Variants in FHIP1A observed in about 807,000 individuals in gnomAD.
The protein encoded by FHIP1A is FHF complex subunit HOOK interacting protein 1A, also known as FHF complex subunit HOOK-interacting protein 1A.
A neutral mutation model predicts 88.6 loss-of-function variants in FHIP1A; 61 were observed. The observed-to-expected ratio is 0.69, with a 90% CI of 0.56 to 0.85. FHIP1A has a LOEUF of 0.85. Ranked by LOEUF, FHIP1A falls within the 40% of genes least tolerant of loss-of-function variation. The pLI is 0.00. For missense variants in FHIP1A, 1,154 were observed against 1,273.5 expected (o/e 0.91, Z 1.43); for synonymous variants, 478 against 496.0 (o/e 0.96, Z 0.48).
chr4:151,538,309 G>A (rs769036351), intron 3 of FHIP1A, among the ~76,000 whole-genome samples: 4 of 152,154 alleles, frequency 2.6e-5, no homozygotes, highest in Non-Finnish European at 4.4e-5. Flanking sequence ...TTATAGCGTT[G>A]TTCCAGGATT....
At chr4:151,559,747 G>A (rs1042025974) in intron 3 of FHIP1A, among the ~76,000 whole-genome samples, 9 of 152,110 alleles carry the variant, frequency 5.9e-5, no homozygotes, top group African/African-American at 2.2e-4. Context: ...GTAATTAGTA[G>A]CTATAGATAG....
At position 151,670,072 on chromosome 4, in the gene FHIP1A, A is replaced by G. The variant is rs944263670; in HGVS notation, c.*7318A>G. On this transcript the variant is annotated 3_prime_UTR_variant, in exon 14 of 14. Coordinates refer to ENST00000435205, the MANE Select transcript of FHIP1A (RefSeq NM_001109977.3). ...TCAAATCAAGGCCTCCAAGGATTTT[A>G]TTCTCTTACATCACAGTTTTGACAA... The G allele has an allele frequency of 3.9e-5, 6 of 152,202 alleles. No individual in the cohort carries two copies. Among genetic ancestry groups the G allele is most frequent in the African/African-American group, 1.4e-4 (6 of 41,440 alleles). 9.4% of individuals were successfully genotyped at this position (152,202 alleles called of 1,614,324 possible). A position where few individuals can be genotyped will look rare whatever the true frequency, so the allele number is the denominator to read the frequency against.
At chr4:151,598,508 A>C (rs552600732) in intron 7 of FHIP1A, among the ~76,000 whole-genome samples, 12 of 152,216 alleles carry the variant, frequency 7.9e-5, no homozygotes, top group African/African-American at 2.6e-4. Flanking sequence ...TAGTTATTCT[A>C]TGAGGCTTAT....
chr4:151,503,630 C>A (rs1164210030), intron 3 of FHIP1A, among the ~76,000 whole-genome samples: 1 of 152,034 alleles, frequency 6.6e-6, no homozygotes, highest in Admixed American at 6.6e-5. Flanking sequence ...TTAAAAAAAA[C>A]CCAACTCATT....
At chr4:151,614,159 T>A (rs111718666) in intron 7 of FHIP1A, among the ~76,000 whole-genome samples, 38,862 of 142,698 alleles carry the variant, frequency 0.27, 5,712 homozygotes, top group Middle Eastern at 0.34. Flanking sequence ...CAAGACTCCA[T>A]CTCAAAAAAA....
intron 9 of FHIP1A, among the ~76,000 whole-genome samples, chr4:151,645,246 A>G (rs1401999435): frequency 6.6e-6 from 1 of 152,078 alleles, no homozygotes; most frequent in Admixed American, 6.6e-5. Context: ...GGACCGCCTT[A>G]CCTAGATGGT....
intron 3 of FHIP1A, among the ~76,000 whole-genome samples, chr4:151,505,318 A>G (rs923141463): frequency 1.3e-5 from 2 of 152,208 alleles, no homozygotes; most frequent in Admixed American, 6.5e-5. Context: ...TGGGGAGGCT[A>G]TAGACAAACA....
intron 3 of FHIP1A, among the ~76,000 whole-genome samples, chr4:151,510,744 A>C (rs1480091372): frequency 6.6e-6 from 1 of 152,242 alleles, no homozygotes; most frequent in Non-Finnish European, 1.5e-5. Context: ...TGGTAACAGC[A>C]GTAAGGAATC....
At position 151,469,842 on chromosome 4, in the gene FHIP1A, G is replaced by A. The variant is rs115076471; in HGVS notation, c.-247-12682G>A. Among the ~76,000 whole-genome samples, 885 of 152,166 alleles carry A rather than the reference G, an allele frequency of 5.8e-3. 10 individuals are homozygous for A. The highest frequency in any genetic ancestry group is 0.01 in the Middle Eastern group (3 of 294). ...GTTCAATCATATATTTTAGGATGTC[G>A]GGTCAGGAGACGGCAAATCATTGCC... On this transcript the variant is annotated intron_variant, in intron 2 of 13. Transcript: ENST00000435205.
rs1323539376 is a variant in FHIP1A, at chr4:151,662,550, TG to T, written c.2921del (p.Gly974AspfsTer10). The T allele has an allele frequency of 6.5e-7, 1 of 1,550,058 alleles. No individual in the cohort carries two copies. The highest frequency in any genetic ancestry group is 2.4e-5 in the East Asian group (1 of 40,840). ...CAGGAAGTGGCAAGAACCTTTTGGA[TG>T]GACCTCCAAGAGTGCTTCAGCCCTT... ...RTGSGKNLLD[G>X]PPRVLQPFLT... On this transcript the variant is annotated frameshift_variant, in exon 14 of 14. Coordinates refer to ENST00000435205, the MANE Select transcript of FHIP1A (RefSeq NM_001109977.3). LOFTEE classifies it high-confidence loss of function.
Position 151,410,536 on chromosome 4 carries a change from C to G in FHIP1A, c.-356+1071C>G, listed in dbSNP as rs892714147. Among the ~76,000 whole-genome samples the G allele has an allele frequency of 2.6e-5, 4 of 152,128 alleles. No homozygotes were observed. In the East Asian group the frequency reaches 7.7e-4, roughly 29 times the overall value. On this transcript the variant is annotated intron_variant, in intron 1 of 13. Coordinates refer to ENST00000435205, the MANE Select transcript of FHIP1A (RefSeq NM_001109977.3). ...ATAATTCCTGCTTAATTACCTTTAT[C>G]CTGTTGATTAATGAGAGGGAAGATT...
intron 1 of FHIP1A, among the ~76,000 whole-genome samples, chr4:151,435,455 C>G (rs1183963185): frequency 6.6e-6 from 1 of 152,040 alleles, no homozygotes; most frequent in Non-Finnish European, 1.5e-5. Flanking sequence ...CCTATTTAAC[C>G]TCCAGTAAAA....
intron 4 of FHIP1A, among the ~76,000 whole-genome samples, chr4:151,568,886 A>C (rs373732304): frequency 6.6e-6 from 1 of 152,186 alleles, no homozygotes; most frequent in Admixed American, 6.6e-5. Context: ...GATGGTACAT[A>C]TAAAAGAGGG....
intron 7 of FHIP1A, among the ~76,000 whole-genome samples, chr4:151,611,418 G>T (rs1435017692): frequency 6.6e-6 from 1 of 152,174 alleles, no homozygotes; most frequent in Non-Finnish European, 1.5e-5. Context: ...AAGAATGAAT[G>T]ATGGCTCCAA....
chr4:151,598,458 A>G (rs1734736727), intron 7 of FHIP1A, among the ~76,000 whole-genome samples: 1 of 152,160 alleles, frequency 6.6e-6, no homozygotes, highest in Admixed American at 6.5e-5. Flanking sequence ...GGTGCTGCAG[A>G]CTGGAGTAGT....
chr4:151,601,690 G>A (rs558122630), intron 7 of FHIP1A, among the ~76,000 whole-genome samples: 1 of 151,220 alleles, frequency 6.6e-6, no homozygotes, highest in Admixed American at 6.6e-5. Context: ...GAGTCAGGGT[G>A]TGCAGTGGAA....
intron 3 of FHIP1A, among the ~76,000 whole-genome samples, chr4:151,530,910 T>TATA (rs920840746): frequency 6.7e-6 from 1 of 149,320 alleles, no homozygotes; most frequent in Non-Finnish European, 1.5e-5. Flanking sequence ...CTAATATTAT[T>TATA]ATAATAATAA....
At chr4:151,507,123 GC>G (rs920282454) in intron 3 of FHIP1A, among the ~76,000 whole-genome samples, 17 of 151,600 alleles carry the variant, frequency 1.1e-4, no homozygotes, top group Non-Finnish European at 2.2e-4. Flanking sequence ...CCTTTCCCCT[GC>G]CCCCCCACTT....
chr4:151,643,364 C>T (rs901179558), intron 9 of FHIP1A, among the ~76,000 whole-genome samples: 3 of 152,046 alleles, frequency 2.0e-5, no homozygotes, highest in Non-Finnish European at 2.9e-5. Context: ...TTGGGGTACA[C>T]ATGATATTTT....
Sources: allele counts gnomAD v4.1 joint callset (sites outside exome capture counted in the v4.1 genomes callset), GRCh38; gene constraint gnomAD v4.1.1; transcripts MANE v1.5; gene names NCBI Gene and HGNC (gene_info 2026-07-23, HGNC 2026-07-21).